The following SCRG1 variants were observed in gnomAD, a reference collection of about 807,000 sequenced individuals.
SCRG1 encodes the protein stimulator of chondrogenesis 1, also known as scrapie-responsive protein 1.
Under a neutral mutation model 7.7 loss-of-function variants are expected in SCRG1, and 3 were observed. The observed-to-expected ratio is 0.39, with a 90% confidence interval of 0.18 to 1.01. The LOEUF is 1.01. SCRG1 is among the 50% of genes least tolerant of loss of function. The probability of loss-of-function intolerance (pLI) is 0.36; values close to 1 mark genes in which losing one functional copy is unlikely to be tolerated. For missense variants in SCRG1, 110 were observed against 117.2 expected (o/e 0.94, Z 0.28); for synonymous variants, 46 against 41.2 (o/e 1.12, Z -0.44).
chr4:173,453,686 C>T, the SCRG1 span, among the ~76,000 whole-genome samples: 4 of 152,182 alleles, frequency 2.6e-5, no homozygotes, highest in African/African-American at 7.2e-5. Flanking sequence ...TGCGGTCTGT[C>T]GTTGACTAAA....
the SCRG1 span, chr4:173,420,215 T>C: frequency 2.9e-6 from 1 of 341,786 alleles, no homozygotes; most frequent in Non-Finnish European, 5.6e-6. Flanking sequence ...AGGGCCCTTT[T>C]CTGTACTTTT....
At chr4:173,504,993 G>A in the SCRG1 span, among the ~76,000 whole-genome samples, 99,092 of 152,120 alleles carry the variant, frequency 0.65, 32,947 homozygotes, top group Non-Finnish European at 0.73. The surrounding 1 kb of genome is among the most constrained non-coding windows in gnomAD (Gnocchi z 4.7). Context: ...TGAATTAGAT[G>A]ATCAATAACT....
the SCRG1 span, among the ~76,000 whole-genome samples, chr4:173,510,440 AT>A: frequency 6.6e-6 from 1 of 151,636 alleles, no homozygotes; most frequent in African/African-American, 2.4e-5. The surrounding 1 kb of genome is among the most constrained non-coding windows in gnomAD (Gnocchi z 5.7). Flanking sequence ...ATATATATAT[AT>A]ATATAAATTA....
chr4:173,479,445 T>TTTTTTTTTTTTTTTTTTTTTA, the SCRG1 span, among the ~76,000 whole-genome samples: 1 of 147,144 alleles, frequency 6.8e-6, no homozygotes, highest in Non-Finnish European at 1.5e-5. Context: ...GTTTTTTTGT[T>TTTTTTTTTTTTTTTTTTTTTA]TTTTTTTTTT....
the SCRG1 span, among the ~76,000 whole-genome samples, chr4:173,503,490 G>A: frequency 6.6e-6 from 1 of 152,134 alleles, no homozygotes; most frequent in African/African-American, 2.4e-5. The surrounding 1 kb of genome is among the most constrained non-coding windows in gnomAD (Gnocchi z 6.4). Flanking sequence ...GGTGGGGAGG[G>A]GAGTGTTGCA....
the SCRG1 span, among the ~76,000 whole-genome samples, chr4:173,445,070 T>C: frequency 6.6e-6 from 1 of 150,768 alleles, no homozygotes; most frequent in Non-Finnish European, 1.5e-5. Flanking sequence ...ACATTTCTGA[T>C]AAAGAATACA....
the SCRG1 span, among the ~76,000 whole-genome samples, chr4:173,448,677 T>C: frequency 6.6e-6 from 1 of 152,216 alleles, no homozygotes; most frequent in Non-Finnish European, 1.5e-5. Context: ...TCCATGTCCT[T>C]ACACACATCT....
chr4:173,491,217 C>CTTTTTTTTTTTTTTTTTT, the SCRG1 span, among the ~76,000 whole-genome samples: 1 of 133,052 alleles, frequency 7.5e-6, no homozygotes, highest in South Asian at 2.5e-4. Flanking sequence ...CTCTCTCTCT[C>CTTTTTTTTTTTTTTTTTT]TTTTTTTTTT....
the SCRG1 span, among the ~76,000 whole-genome samples, chr4:173,463,362 C>T: frequency 1.5e-4 from 23 of 152,180 alleles, no homozygotes; most frequent in East Asian, 4.4e-3. Flanking sequence ...CAACCTCTGC[C>T]CCCCCGGGTT....
At chr4:173,405,402 G>A (rs1739874847) in intron 1 of SCRG1, among the ~76,000 whole-genome samples, 1 of 152,092 alleles carries the variant, frequency 6.6e-6, no homozygotes, top group South Asian at 2.1e-4. Flanking sequence ...GGCTCAAGTC[G>A]TTTTCGTTAT....
At chr4:173,458,529 C>T in the SCRG1 span, among the ~76,000 whole-genome samples, 6 of 152,138 alleles carry the variant, frequency 3.9e-5, no homozygotes, top group Admixed American at 2.0e-4. Context: ...AGGAGTTCTA[C>T]ATCTGGAAGT....
At chr4:173,511,373 T>C in the SCRG1 span, among the ~76,000 whole-genome samples, 496 of 152,340 alleles carry the variant, frequency 3.3e-3, 4 homozygotes, top group African/African-American at 0.011. This position sits in a 1 kb window ranked among gnomAD's most constrained non-coding sequence, Gnocchi z 5.2. Flanking sequence ...GCCCCAGATA[T>C]CATTTCTCTG....
chr4:173,388,601 A>C (rs1467339132), intron 2 of SCRG1, among the ~76,000 whole-genome samples: 1 of 152,202 alleles, frequency 6.6e-6, no homozygotes, highest in Non-Finnish European at 1.5e-5. Context: ...CTTTCCCCGC[A>C]TTTGCCATTG....
intron 2 of SCRG1, among the ~76,000 whole-genome samples, chr4:173,390,737 A>C (rs1175329580): frequency 1.3e-5 from 2 of 151,906 alleles, no homozygotes. Context: ...GATCTGCCCA[A>C]CTCAGCCTCC....
the SCRG1 span, among the ~76,000 whole-genome samples, chr4:173,484,546 T>TAA: frequency 1.4e-5 from 1 of 71,206 alleles, no homozygotes; most frequent in African/African-American, 5.6e-5. Flanking sequence ...ATTATGTATA[T>TAA]TTTATATGTT....
At chr4:173,440,986 C>G in the SCRG1 span, among the ~76,000 whole-genome samples, 2 of 151,862 alleles carry the variant, frequency 1.3e-5, no homozygotes, top group African/African-American at 4.8e-5. Flanking sequence ...TAACTTGATT[C>G]GGTCTGAAAG....
At chr4:173,508,849 C>T in the SCRG1 span, among the ~76,000 whole-genome samples, 46 of 152,312 alleles carry the variant, frequency 3.0e-4, no homozygotes, top group African/African-American at 1.0e-3. The surrounding 1 kb of genome is among the most constrained non-coding windows in gnomAD (Gnocchi z 4.4). Flanking sequence ...GTGGGAATGC[C>T]TGCTCTTGGG....
the SCRG1 span, among the ~76,000 whole-genome samples, chr4:173,483,191 GATA>G: frequency 1.1e-5 from 1 of 93,842 alleles, no homozygotes; most frequent in Non-Finnish European, 1.9e-5. Context: ...TATTATATAT[GATA>G]TATATTATAT....
chr4:173,456,925 C>A, the SCRG1 span, among the ~76,000 whole-genome samples: 1 of 152,140 alleles, frequency 6.6e-6, no homozygotes, highest in Admixed American at 6.6e-5. Context: ...GGATTCTCAG[C>A]CTAGAGACTG....
Sources: gnomAD v4.1 joint callset for allele counts (sites outside exome capture counted in the v4.1 genomes callset) on GRCh38, gnomAD v4.1.1 for gene constraint, Gnocchi (gnomAD v3.1) non-coding constraint, MANE v1.5 for transcripts, NCBI Gene and HGNC (gene_info 2026-07-23, HGNC 2026-07-21) for gene names.